Variants in PHACTR3 observed in about 807,000 individuals in gnomAD.
PHACTR3 encodes protein phosphatase 1, regulatory subunit 123.
PHACTR3 carries 16 observed loss-of-function variants against 66.8 expected under a neutral mutation model. The observed-to-expected ratio is 0.24, with a 90% CI of 0.16 to 0.36. The LOEUF (loss-of-function observed/expected upper bound fraction) is 0.36. Ranked by LOEUF, PHACTR3 falls within the 10% of genes least tolerant of loss-of-function variation. The pLI is 1.00. For synonymous variants in PHACTR3, 323 were observed against 292.1 expected, an observed-to-expected ratio of 1.11 and a Z score of -1.08; for missense variants, 647 against 719.9, an observed-to-expected ratio of 0.90 and a Z score of 1.16.
intron 1 of PHACTR3, among the ~76,000 whole-genome samples, chr20:59,707,875 TAC>T (rs1245379000): frequency 2.0e-5 from 3 of 152,226 alleles, no homozygotes; most frequent in Non-Finnish European, 4.4e-5. Context: ...GTATTTCTTG[TAC>T]AGTCTGCAGA....
intron 7 of PHACTR3, among the ~76,000 whole-genome samples, chr20:59,798,501 A>C (rs147651279): frequency 6.6e-6 from 1 of 152,348 alleles, no homozygotes. Flanking sequence ...GTGTATGTGC[A>C]TGAAGATTTT....
At chr20:59,798,337 T>C (rs139227938) in intron 7 of PHACTR3, among the ~76,000 whole-genome samples, 4 of 152,328 alleles carry the variant, frequency 2.6e-5, no homozygotes, top group African/African-American at 7.2e-5. Flanking sequence ...CACTATTACA[T>C]TGGAGATTAA....
chr20:59,729,306 C>T (rs576612212), intron 1 of PHACTR3, among the ~76,000 whole-genome samples: 14 of 152,212 alleles, frequency 9.2e-5, no homozygotes, highest in African/African-American at 1.9e-4. Flanking sequence ...TGGCTGTCCC[C>T]GCTCCCAGGC....
intron 7 of PHACTR3, among the ~76,000 whole-genome samples, chr20:59,775,029 G>A (rs1187050744): frequency 6.6e-6 from 1 of 152,200 alleles, no homozygotes; most frequent in Non-Finnish European, 1.5e-5. Context: ...TTTGGGAGCA[G>A]ATGCTCACAG....
At chr20:59,798,384 A>C (rs1397793125) in intron 7 of PHACTR3, among the ~76,000 whole-genome samples, 1 of 152,236 alleles carries the variant, frequency 6.6e-6, no homozygotes, top group Non-Finnish European at 1.5e-5. Context: ...ACAAACATTC[A>C]AACCATAAAA....
intron 1 of PHACTR3, among the ~76,000 whole-genome samples, chr20:59,593,427 A>G (rs2033242822): frequency 1.3e-5 from 2 of 152,168 alleles, no homozygotes; most frequent in South Asian, 4.2e-4. Context: ...GTCTTTTACA[A>G]ATATTTTCTC....
intron 1 of PHACTR3, among the ~76,000 whole-genome samples, chr20:59,619,868 C>T (rs951471109): frequency 7.9e-5 from 12 of 152,208 alleles, no homozygotes; most frequent in African/African-American, 1.4e-4. Context: ...CTCTGATGCT[C>T]CTGCTGTGTG....
At chr20:59,764,604 G>A (rs1262882689) in intron 4 of PHACTR3, among the ~76,000 whole-genome samples, 1 of 152,276 alleles carries the variant, frequency 6.6e-6, no homozygotes, top group Non-Finnish European at 1.5e-5. Flanking sequence ...GGAGGAAGGG[G>A]GCGGATGCTG....
chr20:59,611,949 T>A (rs2033864576), intron 1 of PHACTR3, among the ~76,000 whole-genome samples: 1 of 152,276 alleles, frequency 6.6e-6, no homozygotes, highest in Admixed American at 6.5e-5. Context: ...AAGGTGCTTT[T>A]TAGGGGAGGG....
At chr20:59,600,698 C>A (rs2033452115), upstream of PHACTR3, among the ~76,000 whole-genome samples, 1 of 152,226 alleles carries the variant, frequency 6.6e-6, no homozygotes, top group Admixed American at 6.5e-5. Flanking sequence ...TTTGGACTGA[C>A]TCTGTCCCAT....
At chr20:59,840,887 T>C (rs988851343) in intron 10 of PHACTR3, among the ~76,000 whole-genome samples, 2 of 152,228 alleles carry the variant, frequency 1.3e-5, no homozygotes, top group Admixed American at 6.5e-5. Context: ...ACAGTTAACA[T>C]TTACTATGGC....
intron 1 of PHACTR3, chr20:59,721,154 G>A (rs892585529): frequency 2.6e-5 from 4 of 152,210 alleles, no homozygotes; most frequent in African/African-American, 7.2e-5. Flanking sequence ...GACAGGAAAC[G>A]GAAGCTCAGA....
At chr20:59,739,550 G>A (rs950992251) in intron 1 of PHACTR3, among the ~76,000 whole-genome samples, 9 of 152,126 alleles carry the variant, frequency 5.9e-5, no homozygotes, top group South Asian at 2.1e-4. Context: ...AGTGCAGGGC[G>A]AAGGGGGAGG....
intron 6 of PHACTR3, 127 bp downstream of exon 6, chr20:59,773,580 CAAGG>C: frequency 9.9e-7 from 1 of 1,013,642 alleles, no homozygotes; most frequent in Non-Finnish European, 1.4e-6. Flanking sequence ...ACTTTCTGAA[CAAGG>C]AAGTCACATT....
intron 1 of PHACTR3, among the ~76,000 whole-genome samples, chr20:59,643,260 GCACAGCATCAATGCA>G (rs2146429749): frequency 6.6e-6 from 1 of 152,312 alleles, no homozygotes; most frequent in Admixed American, 6.5e-5. Flanking sequence ...AAGGTATCCT[GCACAGCATCAATGCA>G]CACAGCGCAC....
intron 8 of PHACTR3, among the ~76,000 whole-genome samples, chr20:59,818,314 T>C (rs1360743989): frequency 2.0e-5 from 3 of 152,068 alleles, no homozygotes; most frequent in African/African-American, 4.8e-5. Context: ...ACGGGAAGGA[T>C]GCAATGAGCC....
intron 11 of PHACTR3, 114 bp from the exon 12 acceptor site, chr20:59,845,075 G>C: frequency 1.6e-6 from 1 of 635,164 alleles, no homozygotes; most frequent in Non-Finnish European, 2.7e-6. Context: ...GTTTTTTTCT[G>C]TATATTACAT....
intron 1 of PHACTR3, among the ~76,000 whole-genome samples, chr20:59,643,498 A>G (rs2035176736): frequency 6.6e-6 from 1 of 152,200 alleles, no homozygotes; most frequent in Non-Finnish European, 1.5e-5. Context: ...AAATTTTGCA[A>G]CAAGTTTTGA....
intron 1 of PHACTR3, among the ~76,000 whole-genome samples, chr20:59,679,526 A>G (rs1294459705): frequency 6.6e-6 from 1 of 152,128 alleles, no homozygotes; most frequent in African/African-American, 2.4e-5. Flanking sequence ...TGTGTGCTTA[A>G]TAGTAAATCA....
Sources: gnomAD v4.1 joint callset for allele counts (sites outside exome capture counted in the v4.1 genomes callset) on GRCh38, gnomAD v4.1.1 for gene constraint, MANE v1.5 for transcripts, NCBI Gene and HGNC (gene_info 2026-07-23, HGNC 2026-07-21) for gene names.